WNT2: variants seen among roughly 807,000 people sequenced by gnomAD.
The protein encoded by WNT2 is Wnt family member 2.
A neutral mutation model predicts 36.9 loss-of-function variants in WNT2; 12 were observed. The ratio of observed to expected loss-of-function variants is 0.33; its 90% CI spans 0.21 to 0.53. The LOEUF is 0.53. Among genes scored for constraint, WNT2 ranks in the 20% least tolerant of loss-of-function variants. WNT2 has a pLI of 0.95. For missense variants in WNT2, 379 were observed against 473.1 expected (o/e 0.80, Z 1.84); for synonymous variants, 163 against 174.6 (o/e 0.93, Z 0.52).
Position 117,277,345 on chromosome 7 carries a change from A to G in WNT2, c.*810T>C, listed in dbSNP as rs1343636797. On this transcript the variant is annotated 3_prime_UTR_variant, in exon 5 of 5. Coordinates refer to ENST00000265441, the MANE Select transcript of WNT2 (RefSeq NM_003391.3). ...CCCAATAGTTACAGAATATTGCCAG[A>G]CCATTCATCTTCTTTTTAATTCCCT... 1 of 152,244 alleles carries G rather than the reference A, an allele frequency of 6.6e-6. No individual in the cohort carries two copies. Among genetic ancestry groups the G allele is most frequent in the Non-Finnish European group, 1.5e-5 (1 of 68,070 alleles). 9.4% of individuals were successfully genotyped at this position (152,244 alleles called of 1,614,324 possible).
chr7:117,278,485 G>T, intron 4 of WNT2, 101 bp from the exon 5 acceptor site: 3 of 1,157,550 alleles, frequency 2.6e-6, no homozygotes, highest in Non-Finnish European at 3.6e-6. Context: ...ACAGAGCCCT[G>T]ACCCTCTCTT....
intron 3 of WNT2, among the ~76,000 whole-genome samples, chr7:117,300,160 A>G (rs1055907012): frequency 1.3e-5 from 2 of 152,160 alleles, no homozygotes; most frequent in Admixed American, 6.5e-5. Flanking sequence ...TCTTGTAAAA[A>G]AAAAGTTTCT....
chr7:117,297,125 G>C (rs924329547), intron 4 of WNT2, among the ~76,000 whole-genome samples: 1 of 152,142 alleles, frequency 6.6e-6, no homozygotes. Flanking sequence ...GCTAATCTGC[G>C]TATCTTGACT....
rs576147334 is a variant in WNT2, at chr7:117,305,763, C to T, written c.589-7887G>A. On this transcript the variant is annotated intron_variant, in intron 3 of 4. Transcript: ENST00000265441. Reference sequence around the variant, plus strand: ...TAATAGGGCACTACAGCTTTGAACTCCTGGGCTCGAGTGATCCTCCTACCT... The same window carrying T: ...TAATAGGGCACTACAGCTTTGAACTTCTGGGCTCGAGTGATCCTCCTACCT... Among the ~76,000 whole-genome samples, 153 of 152,262 alleles carry T rather than the reference C, an allele frequency of 1.0e-3. 1 individual carries two copies. Among genetic ancestry groups the T allele is most frequent in the African/African-American group, 3.7e-3 (152 of 41,546 alleles).
chr7:117,299,928 A>C (rs1794870705), intron 3 of WNT2, among the ~76,000 whole-genome samples: 1 of 152,218 alleles, frequency 6.6e-6, no homozygotes, highest in Non-Finnish European at 1.5e-5. Context: ...TCCTTAAAAA[A>C]ACATGTGGTG....
intron 4 of WNT2, among the ~76,000 whole-genome samples, chr7:117,281,181 AG>A (rs773349145): frequency 5.6e-4 from 85 of 152,338 alleles, no homozygotes; most frequent in South Asian, 1.2e-3. Flanking sequence ...GGAGGCTATT[AG>A]GGACAATGAG....
Position 117,322,791 on chromosome 7 carries a change from G to A in WNT2, c.83+116C>T. On this transcript the variant is annotated intron_variant, in intron 1 of 4. Transcript: ENST00000265441. The surrounding 1 kb of genome is among the most constrained non-coding windows in gnomAD (Gnocchi z 5.4). ...TAAGAGGGCAGTAGCCAGGGTTCGGGCCAGAATCCGAGACTGCTGCGGCCG... is the reference window on the plus strand; with the variant it reads ...TAAGAGGGCAGTAGCCAGGGTTCGGACCAGAATCCGAGACTGCTGCGGCCG... 9.8e-7 allele frequency: 1 copy of A among 1,017,210 alleles called. No homozygotes were observed. The highest frequency in any genetic ancestry group is 1.5e-6 in the Non-Finnish European group (1 of 661,744). The allele number at this position is 1,017,210 out of a possible 1,614,324, so 63.0% of individuals were successfully genotyped here. A position where few individuals can be genotyped will look rare whatever the true frequency, so the allele number is the denominator to read the frequency against.
rs1201392907 is a variant in WNT2, at chr7:117,284,324, T to C, written c.854-5940A>G. 6.6e-6 allele frequency among the ~76,000 whole-genome samples: 1 copy of C among 152,246 alleles called. No homozygotes were observed. ...TCCAAAACAGAAAGCATCACCATTA[T>C]GTTTCCAATAAAATATAAGAACCAA... On this transcript the variant is annotated intron_variant, in intron 4 of 4. Coordinates refer to ENST00000265441, the MANE Select transcript of WNT2 (RefSeq NM_003391.3). The surrounding 1 kb of genome is among the most constrained non-coding windows in gnomAD (Gnocchi z 5.2).
intron 4 of WNT2, among the ~76,000 whole-genome samples, chr7:117,282,313 T>C (rs562689804): frequency 4.4e-4 from 67 of 151,806 alleles, no homozygotes; most frequent in African/African-American, 1.6e-3. Context: ...CTGCATTTCA[T>C]ATTTCAATAA....
At chr7:117,304,888 C>T (rs926973319) in intron 3 of WNT2, among the ~76,000 whole-genome samples, 8 of 152,166 alleles carry the variant, frequency 5.3e-5, no homozygotes, top group African/African-American at 1.9e-4. Context: ...CTGGCTCTTT[C>T]CACCCCCTTA....
chr7:117,295,164 C>T (rs207468448), intron 4 of WNT2, among the ~76,000 whole-genome samples: 2 of 152,096 alleles, frequency 1.3e-5, no homozygotes, highest in African/African-American at 4.8e-5. Flanking sequence ...TGAGATGAGA[C>T]GAGACAGCCA....
Position 117,315,174 on chromosome 7 carries a change from T to C in WNT2, c.485A>G (p.Asp162Gly). ...FDWGGCSDNI[D>G]YGIKFARAFV... ...TGCGCGGGCAAATTTGATCCCATAGTCAATGTTATCACTGCAGCCACCCCA... is the reference window on the plus strand; with the variant it reads ...TGCGCGGGCAAATTTGATCCCATAGCCAATGTTATCACTGCAGCCACCCCA... The change falls in exon 3 of 5, where the codon GAC becomes GGC. Residue 162 changes from aspartate (D) to glycine (G), a missense_variant. Asp to Gly is a moderately conservative substitution (Grantham distance 94, BLOSUM62 -1). Transcript: ENST00000265441. The C allele has an allele frequency of 6.2e-7, 1 of 1,614,190 alleles. No homozygotes were observed. The highest frequency in any genetic ancestry group is 8.5e-7 in the Non-Finnish European group (1 of 1,180,024).
chr7:117,288,991 G>A (rs1794635999), intron 4 of WNT2, among the ~76,000 whole-genome samples: 1 of 150,006 alleles, frequency 6.7e-6, no homozygotes, highest in Non-Finnish European at 1.5e-5. Flanking sequence ...AAAGAACTGA[G>A]TCTCTGCTGC....
At position 117,297,987 on chromosome 7, in the gene WNT2, G is replaced by C. The variant is rs1277341529; in HGVS notation, c.589-111C>G. 2.2e-6 allele frequency: 3 copies of C among 1,389,806 alleles called. No individual in the cohort carries two copies. In the African/African-American group the frequency reaches 4.3e-5, roughly 20 times the overall value. The allele number at this position is 1,389,806 out of a possible 1,614,324, so 86.1% of individuals were successfully genotyped here. A position where few individuals can be genotyped will look rare whatever the true frequency, so the allele number is the denominator to read the frequency against. ...GTGATTCTCAGGATGCTGGATCCTG[G>C]GGCAAGTGACTGGGAAATGTTGAAG... On this transcript the variant is annotated intron_variant, in intron 3 of 4. Transcript: ENST00000265441.
rs145921281 is a variant in WNT2, at chr7:117,276,060, T to A, written c.*2095A>T. Among the ~76,000 whole-genome samples the A allele has an allele frequency of 3.7e-3, 558 of 152,310 alleles. 9 individuals are homozygous for A. Among genetic ancestry groups the A allele is most frequent in the African/African-American group, 0.013 (531 of 41,560 alleles). On this transcript the variant is annotated 3_prime_UTR_variant, in exon 5 of 5. Coordinates refer to ENST00000265441, the MANE Select transcript of WNT2 (RefSeq NM_003391.3). ...AGCTAGTTTCATTTAATGGATAAAG[T>A]CCTACACTATCTCAAACACTCAAGA...
intron 3 of WNT2, among the ~76,000 whole-genome samples, chr7:117,299,563 G>A (rs1422020215): frequency 6.7e-6 from 1 of 150,182 alleles, no homozygotes; most frequent in East Asian, 1.9e-4. Flanking sequence ...TGTGACTGTA[G>A]CTCACTGCGG....
intron 3 of WNT2, among the ~76,000 whole-genome samples, chr7:117,298,810 G>A (rs1461639919): frequency 1.3e-5 from 2 of 152,142 alleles, no homozygotes; most frequent in Non-Finnish European, 2.9e-5. Context: ...AGCACTCCTG[G>A]TCCTCACAAC....
chr7:117,282,031 T>C (rs1346993105), intron 4 of WNT2, among the ~76,000 whole-genome samples: 1 of 152,198 alleles, frequency 6.6e-6, no homozygotes. Context: ...TTTAGGCCAT[T>C]ACATTTTCCA....
rs371303467 is a variant in WNT2 at position 117,320,805 on chromosome 7, C to A, written c.84-12G>T. The A allele has an allele frequency of 2.4e-5, 38 of 1,599,704 alleles. No individual in the cohort carries two copies. In the Middle Eastern group the frequency reaches 5.0e-4, roughly 21 times the overall value. ...TAGCTCTCATGTACCTATAAGGGAC[C>A]AACCAACACAGAGGTGAGGGCAACG... On this transcript the variant is annotated splice_polypyrimidine_tract_variant and intron_variant, in intron 1 of 4. Coordinates refer to ENST00000265441, the MANE Select transcript of WNT2 (RefSeq NM_003391.3).
Sources: allele counts gnomAD v4.1 joint callset (sites outside exome capture counted in the v4.1 genomes callset), GRCh38; gene constraint gnomAD v4.1.1; non-coding constraint Gnocchi (gnomAD v3.1); transcripts MANE v1.5; gene names NCBI Gene and HGNC (gene_info 2026-07-23, HGNC 2026-07-21).